Variants in HEATR4 observed in about 807,000 individuals in gnomAD.
The protein encoded by HEATR4 is HEAT repeat-containing protein 4.
HEATR4 carries 95 observed loss-of-function variants against 108.8 expected under a neutral mutation model. The observed-to-expected ratio is 0.87, with a 90% confidence interval of 0.74 to 1.04. The LOEUF is 1.04. HEATR4 is among the 50% of genes least tolerant of loss of function. HEATR4 has a pLI of 0.00. For synonymous variants in HEATR4, 443 were observed against 459.4 expected, an observed-to-expected ratio of 0.96 and a Z score of 0.46; for missense variants, 1,152 against 1,253.8, an observed-to-expected ratio of 0.92 and a Z score of 1.23.
chr14:73,625,931 T>G, the HEATR4 span, among the ~76,000 whole-genome samples: 1 of 152,206 alleles, frequency 6.6e-6, no homozygotes, highest in African/African-American at 2.4e-5. Context: ...GGTCTCTCAC[T>G]TTAAATCAAA....
At chr14:73,619,178 C>G in the HEATR4 span, 2 of 1,509,690 alleles carry the variant, frequency 1.3e-6, no homozygotes, top group African/African-American at 2.8e-5. Flanking sequence ...AAATCACTGT[C>G]TGTGTCCTCC....
the HEATR4 span, among the ~76,000 whole-genome samples, chr14:73,597,353 G>A: frequency 9.9e-5 from 15 of 151,942 alleles, no homozygotes; most frequent in African/African-American, 2.7e-4. Flanking sequence ...CAAAGTGCTG[G>A]GATTACAGGC....
Position 73,537,129 on chromosome 14 carries a change from T to C in HEATR4, c.-151-6885A>G. ...CTCCCGAGTAGCCGGGACGAACCAG[T>C]CCTGGCCCAGCCCATTCCGCGAGCC... On this transcript the variant is annotated intron_variant, in intron 1 of 17. Coordinates refer to ENST00000553558, the MANE Select transcript of HEATR4 (RefSeq NM_001220484.1). 3 of 311,660 alleles carry C rather than the reference T, an allele frequency of 9.6e-6. 1 individual carries two copies. Among genetic ancestry groups the C allele is most frequent in the South Asian group, 3.7e-5 (1 of 27,154 alleles). 19.3% of individuals were successfully genotyped at this position (311,660 alleles called of 1,614,324 possible). A position where few individuals can be genotyped will look rare whatever the true frequency, so the allele number is the denominator to read the frequency against.
the HEATR4 span, among the ~76,000 whole-genome samples, chr14:73,603,564 A>T: frequency 6.6e-6 from 1 of 152,074 alleles, no homozygotes; most frequent in African/African-American, 2.4e-5. Flanking sequence ...CATGTTAGCC[A>T]GGATGGTCTC....
intron 17 of HEATR4, 31 bp downstream of exon 17, chr14:73,493,035 C>G (rs201162298): frequency 7.4e-5 from 116 of 1,558,620 alleles, no homozygotes; most frequent in Non-Finnish European, 9.9e-5. Flanking sequence ...CACGTTCTTA[C>G]CTTGATAAGC....
chr14:73,520,685 C>T, intron 4 of HEATR4, 167 bp downstream of exon 4: 1 of 623,898 alleles, frequency 1.6e-6, no homozygotes, highest in Non-Finnish European at 2.8e-6. Context: ...GTTATCACTC[C>T]CCGACCCAAC....
chr14:73,568,519 ACTGCCG>A, the HEATR4 span, among the ~76,000 whole-genome samples: 1 of 151,862 alleles, frequency 6.6e-6, no homozygotes, highest in African/African-American at 2.4e-5. Flanking sequence ...GTGATGGTAA[ACTGCCG>A]CTGTACTCCA....
the HEATR4 span, chr14:73,595,601 T>G: frequency 4.9e-5 from 77 of 1,563,892 alleles, no homozygotes; most frequent in South Asian, 3.2e-4. Context: ...AATTCTAGCC[T>G]TCTTCTGCAA....
Position 73,522,623 on chromosome 14 carries a change from C to T in HEATR4, c.530G>A (p.Arg177Gln), listed in dbSNP as rs750341766. 6.4e-5 allele frequency: 103 copies of T among 1,614,138 alleles called. No individual in the cohort carries two copies. Among genetic ancestry groups the T allele is most frequent in the Non-Finnish European group, 8.5e-5 (100 of 1,180,032 alleles). Residue 177 changes from arginine to glutamine, a missense_variant, in exon 3 of 18, where the codon CGG becomes CAG. Transcript: ENST00000553558. ...HPCMHPDMLG[R>Q]PPSLDVNLEE... ...CAGGTTCACATCTAGAGAAGGTGGC[C>T]GACCCAGCATATCTGGATGCATGCA...
chr14:73,514,294 T>G, intron 5 of HEATR4, 60 bp from the exon 6 acceptor site: 4 of 1,489,780 alleles, frequency 2.7e-6, no homozygotes, highest in Non-Finnish European at 3.7e-6. Flanking sequence ...TGCCACACAG[T>G]GGCCCCAGCT....
the HEATR4 span, chr14:73,610,822 T>G: frequency 3.9e-5 from 6 of 152,310 alleles, no homozygotes; most frequent in East Asian, 1.2e-3. Context: ...ACGGACTGGC[T>G]GGAATAGCCC....
Position 73,508,269 on chromosome 14 carries a change from T to C in HEATR4, c.1746A>G (p.Ala582=), listed in dbSNP as rs372017047. 13 of 1,613,848 alleles carry C rather than the reference T, an allele frequency of 8.1e-6. No individual in the cohort carries two copies. Among genetic ancestry groups the C allele is most frequent in the East Asian group, 2.2e-5 (1 of 44,882 alleles). ...LKGNSVDSWA[A]AQCLALEGTA... is the part of the protein sequence containing the mutation. ...TACCTTCCAGAGCCAAGCACTGAGC[T>C]GCAGCCCAGCTATCCACACTGTTAC... The change falls in exon 9 of 18, where the codon GCA becomes GCG. Residue 582 remains alanine (A), a synonymous_variant. Transcript: ENST00000553558.
chr14:73,579,265 T>TAAAA, the HEATR4 span, among the ~76,000 whole-genome samples: 2 of 70,836 alleles, frequency 2.8e-5, no homozygotes, highest in African/African-American at 5.1e-5. Flanking sequence ...TCAAAAAAAT[T>TAAAA]AAAAAAAAAA....
chr14:73,493,585 C>T (rs1885928870), intron 16 of HEATR4, among the ~76,000 whole-genome samples: 1 of 152,088 alleles, frequency 6.6e-6, no homozygotes, highest in Non-Finnish European at 1.5e-5. Context: ...TGCCTGTAAT[C>T]CTAGCACTTT....
At position 73,493,303 on chromosome 14, in the gene HEATR4, C is replaced by A. The variant is rs1288177962; in HGVS notation, c.2786-179G>T. On this transcript the variant is annotated intron_variant, in intron 16 of 17. Transcript: ENST00000553558. The stretch of plus-strand genomic sequence containing the variant: ...GGAATTTGGATCTTTCATCTGAGTT[C>A]TTTTTCATGGGCGGGTCGGGGTCAG... 3 of 578,354 alleles carry A rather than the reference C, an allele frequency of 5.2e-6. No individual in the cohort carries two copies. In the East Asian group the frequency reaches 8.7e-5, roughly 17 times the overall value. 35.8% of individuals were successfully genotyped at this position (578,354 alleles called of 1,614,324 possible). A position where few individuals can be genotyped will look rare whatever the true frequency, so the allele number is the denominator to read the frequency against.
intron 1 of HEATR4, chr14:73,542,982 G>A (rs1279301913): frequency 4.9e-6 from 6 of 1,226,284 alleles, no homozygotes; most frequent in Non-Finnish European, 6.5e-6. Context: ...TTCCAGGGTG[G>A]GCACAACTCA....
At chr14:73,605,106 A>T in the HEATR4 span, among the ~76,000 whole-genome samples, 5 of 152,188 alleles carry the variant, frequency 3.3e-5, no homozygotes, top group Non-Finnish European at 7.3e-5. Context: ...GAAGAAAAAA[A>T]AAAAACCTTT....
Position 73,499,123 on chromosome 14 carries a change from C to T in HEATR4, c.2304G>A (p.Leu768=), listed in dbSNP as rs1886268206. The change falls in exon 13 of 18, where the codon CTG becomes CTA. Residue 768 remains leucine (L), a synonymous_variant. Coordinates refer to ENST00000553558, the MANE Select transcript of HEATR4 (RefSeq NM_001220484.1). ...AGTAAGGATCTCTCTGCATCAGGTT[C>T]AGGAGGCATTCAAGCACCTGGGATG... ...IRDKMVLECL[L]NLMQRDPYWK... 2 of 1,614,156 alleles carry T rather than the reference C, an allele frequency of 1.2e-6. No individual in the cohort carries two copies. Among genetic ancestry groups the T allele is most frequent in the East Asian group, 2.2e-5 (1 of 44,888 alleles).
chr14:73,613,164 G>T, the HEATR4 span: 1 of 460,916 alleles, frequency 2.2e-6, no homozygotes, highest in South Asian at 4.7e-5. Flanking sequence ...TCTGAGTCTG[G>T]GCGTCCGCTG....
Sources: allele counts gnomAD v4.1 joint callset (sites outside exome capture counted in the v4.1 genomes callset), GRCh38; gene constraint gnomAD v4.1.1; transcripts MANE v1.5; gene names NCBI Gene and HGNC (gene_info 2026-07-23, HGNC 2026-07-21).